The following GDA variants were observed in gnomAD, a reference collection of about 807,000 sequenced individuals.
GDA encodes cytoplasmic PSD-95 interactor.
A neutral mutation model predicts 59.6 loss-of-function variants in GDA; 18 were observed. The ratio of observed to expected loss-of-function variants is 0.30; its 90% confidence interval spans 0.21 to 0.45. GDA has a LOEUF of 0.45. Ranked by LOEUF, GDA falls within the 20% of genes least tolerant of loss-of-function variation. The pLI is 1.00. For missense variants in GDA, 427 were observed against 552.3 expected, an observed-to-expected ratio of 0.77 and a Z score of 2.27; for synonymous variants, 201 against 201.1, an observed-to-expected ratio of 1.00 and a Z score of 0.00.
intron 3 of GDA, among the ~76,000 whole-genome samples, chr9:72,208,653 C>T (rs769119165): frequency 6.6e-6 from 1 of 152,142 alleles, no homozygotes; most frequent in African/African-American, 2.4e-5. Flanking sequence ...CTAAAAGCTT[C>T]CTAAGAAAGA....
At chr9:72,172,688 T>TG (rs1330655689) in intron 1 of GDA, among the ~76,000 whole-genome samples, 4 of 152,246 alleles carry the variant, frequency 2.6e-5, no homozygotes, top group Non-Finnish European at 5.9e-5. Context: ...TGCTGCTTCC[T>TG]GGGGAATGAG....
Position 72,250,106 on chromosome 9 carries a change from T to A in GDA, c.*1764T>A. On this transcript the variant is annotated 3_prime_UTR_variant, in exon 14 of 14. Coordinates refer to ENST00000358399, the MANE Select transcript of GDA (RefSeq NM_004293.5). ...ATTCCTGAGCCACGTCAAAGATGCC[T>A]TGCCAAATTTCTCCCCATTTCTCTA... is the stretch of plus-strand genomic sequence containing the variant. The A allele has an allele frequency of 1.0e-6, 1 of 985,136 alleles. No individual in the cohort carries two copies. Among genetic ancestry groups the A allele is most frequent in the Non-Finnish European group, 1.2e-6 (1 of 829,678 alleles). 61.0% of individuals were successfully genotyped at this position (985,136 alleles called of 1,614,324 possible). A position where few individuals can be genotyped will look rare whatever the true frequency, so the allele number is the denominator to read the frequency against.
chr9:72,121,854 A>G (rs1825673540), intron 1 of GDA, among the ~76,000 whole-genome samples: 1 of 152,198 alleles, frequency 6.6e-6, no homozygotes, highest in Non-Finnish European at 1.5e-5. Context: ...ACGTCAAAGA[A>G]TCTGAGTCCC....
chr9:72,173,105 T>G (rs1169462411), intron 1 of GDA, among the ~76,000 whole-genome samples: 1 of 152,182 alleles, frequency 6.6e-6, no homozygotes, highest in African/African-American at 2.4e-5. Flanking sequence ...AATCAGAAAT[T>G]TGAAATCTGT....
At position 72,149,538 on chromosome 9, in the gene GDA, C is replaced by G; in HGVS notation, c.-22C>G. On this transcript the variant is annotated 5_prime_UTR_variant, in exon 1 of 14. Transcript: ENST00000358399. ...GTGCGCCCTCCTCGACCAGCAGACCCGCGCTGCGCTCCGCCGCTGACATGT... is the reference window on the plus strand; with the variant it reads ...GTGCGCCCTCCTCGACCAGCAGACCGGCGCTGCGCTCCGCCGCTGACATGT... The G allele has an allele frequency of 6.2e-7, 1 of 1,607,330 alleles. No individual in the cohort carries two copies. Among genetic ancestry groups the G allele is most frequent in the South Asian group, 1.1e-5 (1 of 90,836 alleles).
chr9:72,198,515 AG>A (rs897339743), intron 2 of GDA, among the ~76,000 whole-genome samples: 9 of 147,982 alleles, frequency 6.1e-5, no homozygotes, highest in Admixed American at 4.8e-4. Flanking sequence ...CTACAGCCTG[AG>A]TGAGACTCCA....
At chr9:72,231,023 T>C in intron 9 of GDA, 91 bp from the exon 10 acceptor site, 1 of 805,196 alleles carries the variant, frequency 1.2e-6, no homozygotes, top group South Asian at 1.4e-5. Context: ...GGAAGCACAA[T>C]TTTCAGTGGC....
intron 6 of GDA, 23 bp downstream of exon 6, chr9:72,219,529 C>T (rs1564104313): frequency 1.3e-6 from 2 of 1,576,816 alleles, no homozygotes; most frequent in East Asian, 2.3e-5. Context: ...GTTCAGAGCT[C>T]GCTTTTAGAT....
At chr9:72,164,615 C>A (rs1829055839) in intron 1 of GDA, among the ~76,000 whole-genome samples, 1 of 152,094 alleles carries the variant, frequency 6.6e-6, no homozygotes, top group Admixed American at 6.5e-5. Flanking sequence ...AAGTTACATA[C>A]CTGTTATTCC....
At position 72,188,544 on chromosome 9, in the gene GDA, G is replaced by C. The variant is rs555112774; in HGVS notation, c.124-6956G>C. 2.0e-5 allele frequency among the ~76,000 whole-genome samples: 3 copies of C among 152,316 alleles called. No homozygotes were observed. The South Asian group carries it at 6.2e-4, about 32-fold the overall frequency. On this transcript the variant is annotated intron_variant, in intron 1 of 13. Coordinates refer to ENST00000358399, the MANE Select transcript of GDA (RefSeq NM_004293.5). Reference sequence around the variant, plus strand: ...AGGCATGCAGAATGCAAGATCTATGGGGGCATGGCTTCATCCACCTAGATT... The same window carrying C: ...AGGCATGCAGAATGCAAGATCTATGCGGGCATGGCTTCATCCACCTAGATT...
At chr9:72,184,075 T>G (rs1831584378) in intron 1 of GDA, among the ~76,000 whole-genome samples, 1 of 152,184 alleles carries the variant, frequency 6.6e-6, no homozygotes, top group Non-Finnish European at 1.5e-5. Flanking sequence ...AAGTTTTAGG[T>G]TCACAGCAAA....
chr9:72,165,355 G>A lies in GDA; in HGVS notation c.123+15673G>A, dbSNP rs80285547. Among the ~76,000 whole-genome samples, 461 of 152,240 alleles carry A rather than the reference G, an allele frequency of 3.0e-3. 4 individuals carry two copies. Among genetic ancestry groups the A allele is most frequent in the African/African-American group, 0.011 (439 of 41,544 alleles). ...CAGAAATATAATCTAGCATTTCAGC[G>A]TCACTGGAAATCTTGGTAGGTAGTC... On this transcript the variant is annotated intron_variant, in intron 1 of 13. Transcript: ENST00000358399.
At chr9:72,179,800 C>T (rs1013895230) in intron 1 of GDA, among the ~76,000 whole-genome samples, 1 of 152,202 alleles carries the variant, frequency 6.6e-6, no homozygotes, top group African/African-American at 2.4e-5. Flanking sequence ...CTTCTTTGCT[C>T]ATAGATGGTT....
rs1840405971 is a variant in GDA at position 72,248,729 on chromosome 9, GA to G, written c.*389del. The stretch of plus-strand genomic sequence containing the variant: ...TTTGAGCTAATAATTGCAAAAATTA[GA>G]AGACTGAAAATGGACCCATGAGAGT... On this transcript the variant is annotated 3_prime_UTR_variant, in exon 14 of 14. Transcript: ENST00000358399. The G allele has an allele frequency of 9.9e-7, 1 of 1,006,596 alleles. No individual in the cohort carries two copies. The highest frequency in any genetic ancestry group is 1.2e-6 in the Non-Finnish European group (1 of 841,004). The allele number at this position is 1,006,596 out of a possible 1,614,324, so 62.4% of individuals were successfully genotyped here. A position where few individuals can be genotyped will look rare whatever the true frequency, so the allele number is the denominator to read the frequency against.
intron 9 of GDA, among the ~76,000 whole-genome samples, chr9:72,229,706 G>C (rs1211054485): frequency 6.6e-6 from 1 of 152,208 alleles, no homozygotes; most frequent in African/African-American, 2.4e-5. Context: ...AAAGCTCCTA[G>C]GCAAAGAGCT....
At chr9:72,172,491 G>C (rs62561978) in intron 1 of GDA, among the ~76,000 whole-genome samples, 24,916 of 152,062 alleles carry the variant, frequency 0.16, 2,628 homozygotes, top group East Asian at 0.5. Context: ...CTAGGTCTTC[G>C]TGGTTCTTGG....
chr9:72,253,848 G>T (rs1840825438), downstream of GDA, among the ~76,000 whole-genome samples: 1 of 151,980 alleles, frequency 6.6e-6, no homozygotes, highest in East Asian at 1.9e-4. Context: ...TTAAAAAAAA[G>T]ATTTGGATAT....
intron 4 of GDA, 140 bp downstream of exon 4, chr9:72,210,914 C>T (rs1476029555): frequency 1.1e-5 from 7 of 626,722 alleles, no homozygotes; most frequent in Non-Finnish European, 2.0e-5. Flanking sequence ...CAAGTAATTA[C>T]GTGTCTATAT....
chr9:72,195,113 A>C (rs751095295), intron 1 of GDA, among the ~76,000 whole-genome samples: 1 of 152,180 alleles, frequency 6.6e-6, no homozygotes, highest in Non-Finnish European at 1.5e-5. Flanking sequence ...CCTGATTTGT[A>C]GTTCTTATGA....
Sources: gnomAD v4.1 joint callset for allele counts (sites outside exome capture counted in the v4.1 genomes callset) on GRCh38, gnomAD v4.1.1 for gene constraint, MANE v1.5 for transcripts, NCBI Gene and HGNC (gene_info 2026-07-23, HGNC 2026-07-21) for gene names.